Variants in TBC1D9B observed in about 807,000 individuals in gnomAD.
TBC1D9B encodes the protein TBC1 domain family member 9B, also known as TBC1 domain family, member 9B (with GRAM domain).
A neutral mutation model predicts 121.1 loss-of-function variants in TBC1D9B; 87 were observed. The observed-to-expected ratio is 0.72, with a 90% CI of 0.60 to 0.86. TBC1D9B has a LOEUF of 0.86. Among genes scored for constraint, TBC1D9B ranks in the 40% least tolerant of loss-of-function variants. TBC1D9B has a pLI of 0.00. For synonymous variants in TBC1D9B, 668 were observed against 670.1 expected, an observed-to-expected ratio of 1.00 and a Z score of 0.05; for missense variants, 1,540 against 1,628.6, an observed-to-expected ratio of 0.95 and a Z score of 0.94.
chr5:179,871,167 T>C (rs1207080298), intron 15 of TBC1D9B, among the ~76,000 whole-genome samples: 1 of 152,186 alleles, frequency 6.6e-6, no homozygotes, highest in Non-Finnish European at 1.5e-5. Context: ...AAGCTGTGCA[T>C]TGCTAGACTT....
intron 9 of TBC1D9B, 95 bp from the exon 10 acceptor site, chr5:179,878,618 G>A (rs1034012892): frequency 5.7e-6 from 7 of 1,221,254 alleles, no homozygotes; most frequent in South Asian, 1.5e-5. Flanking sequence ...CCCCACAGAG[G>A]AGAGGTGGGA....
Position 179,888,304 on chromosome 5 carries a change from A to G in TBC1D9B, c.1053T>C (p.Ile351=), listed in dbSNP as rs765551460. The part of the protein sequence containing the change: ...HLIIPLREVT[I]VEKADSSSVL... ...CGCTGGAGCTGTCAGCTTTTTCGAC[A>G]ATGGTCACCTGAGAAGGTGAAAGAA... The change falls in exon 7 of 21, where the codon ATT becomes ATC. Residue 351 remains isoleucine, a synonymous_variant. Transcript: ENST00000355235. 1 of 1,610,820 alleles carries G rather than the reference A, an allele frequency of 6.2e-7. No homozygotes were observed. Among genetic ancestry groups the G allele is most frequent in the Non-Finnish European group, 8.5e-7 (1 of 1,179,182 alleles).
chr5:179,882,410 C>T (rs557070951), intron 7 of TBC1D9B, among the ~76,000 whole-genome samples: 1 of 152,330 alleles, frequency 6.6e-6, no homozygotes, highest in South Asian at 2.1e-4. Context: ...TTCCATCACT[C>T]CTTGGTTATC....
intron 17 of TBC1D9B, 107 bp from the exon 18 acceptor site, chr5:179,867,956 C>A: frequency 1.9e-6 from 2 of 1,076,214 alleles, no homozygotes; most frequent in Non-Finnish European, 2.5e-6. Flanking sequence ...TGCCCACGAG[C>A]CTGGCCAGTC....
chr5:179,876,693 G>A (rs1321933564), intron 10 of TBC1D9B, among the ~76,000 whole-genome samples: 1 of 152,202 alleles, frequency 6.6e-6, no homozygotes, highest in Non-Finnish European at 1.5e-5. Flanking sequence ...ATGAGGATGT[G>A]GAGAAATCGG....
At chr5:179,889,173 G>T (rs544310726) in intron 6 of TBC1D9B, among the ~76,000 whole-genome samples, 1 of 152,210 alleles carries the variant, frequency 6.6e-6, no homozygotes, top group South Asian at 2.1e-4. Context: ...GGGACCACAG[G>T]TGCCCACCAC....
rs1488704937 is a variant in TBC1D9B, at chr5:179,878,347, C to T, written c.1744G>A (p.Ala582Thr). The change falls in exon 10 of 21, where the codon GCC (alanine) becomes ACC (threonine). Residue 582 changes from alanine (A) to threonine (T), a missense_variant. Ala to Thr is a moderately conservative substitution (Grantham distance 58, BLOSUM62 0). Coordinates refer to ENST00000355235, the MANE Select transcript of TBC1D9B (RefSeq NM_015043.4). ...ATGGTGGGGTTTCGGAAGGCATAGG[C>T]AGTCAGCACCCGCCGGAGGGCAGCA... The part of the protein sequence containing the change: ...GIAALRRVLT[A>T]YAFRNPTIGY... 4.3e-6 allele frequency: 7 copies of T among 1,613,828 alleles called. No individual in the cohort carries two copies. The highest frequency in any genetic ancestry group is 1.1e-5 in the South Asian group (1 of 91,008).
rs1239231276 is a variant in TBC1D9B at position 179,904,270 on chromosome 5, G to T, written c.229+432C>A. Among the ~76,000 whole-genome samples, 7 of 141,398 alleles carry T rather than the reference G, an allele frequency of 5.0e-5. No individual in the cohort carries two copies. The highest frequency in any genetic ancestry group is 1.6e-4 in the African/African-American group (6 of 36,762). The allele number at this position is 141,398 out of a possible 152,430, so 92.8% of individuals were successfully genotyped here. On this transcript the variant is annotated intron_variant, in intron 2 of 20. Transcript: ENST00000355235. The surrounding 1 kb of genome is among the most constrained non-coding windows in gnomAD (Gnocchi z 4.2). ...GACGGAATCTCGCTGTGTCGCCCAG[G>T]CTGGAGTGCAGTGGCGCGATCTCGG...
rs768868366 is a variant in TBC1D9B at position 179,865,806 on chromosome 5, C to T, written c.2914+32G>A. ...AGCAAGGGTGCCTCAACGCTGGGGT[C>T]TCTAAGAACAGCGGCAGAGAATGGC... On this transcript the variant is annotated intron_variant, in intron 19 of 20. Coordinates refer to ENST00000355235, the MANE Select transcript of TBC1D9B (RefSeq NM_015043.4). This position sits in a 1 kb window ranked among gnomAD's most constrained non-coding sequence, Gnocchi z 5.1. 5.1e-6 allele frequency: 8 copies of T among 1,571,318 alleles called. No homozygotes were observed. The highest frequency in any genetic ancestry group is 6.9e-6 in the Non-Finnish European group (8 of 1,158,296).
chr5:179,863,915 C>G lies in TBC1D9B; in HGVS notation c.3235G>C (p.Ala1079Pro), dbSNP rs1419598787. Residue 1079 changes from alanine to proline, a missense_variant, in exon 21 of 21, where the codon GCC (alanine) becomes CCC (proline). Transcript: ENST00000355235. This position sits in a 1 kb window ranked among gnomAD's most constrained non-coding sequence, Gnocchi z 4.5. Reference protein sequence around the residue: ...PPAPELHQDAARELQPPAAGD... With the variant: ...PPAPELHQDAPRELQPPAAGD... ...GCAGCTGGGGGCTGAAGCTCCCTGG[C>G]TGCGTCCTGATGCAGTTCGGGTGCT... 1.9e-6 allele frequency: 3 copies of G among 1,613,804 alleles called. No individual in the cohort carries two copies. Among genetic ancestry groups the G allele is most frequent in the South Asian group, 2.2e-5 (2 of 91,072 alleles).
intron 3 of TBC1D9B, among the ~76,000 whole-genome samples, chr5:179,898,315 C>T (rs557790414): frequency 1.5e-4 from 23 of 152,168 alleles, no homozygotes; most frequent in Admixed American, 5.2e-4. Flanking sequence ...CCACGCCCGG[C>T]TAATTTTTTT....
intron 7 of TBC1D9B, among the ~76,000 whole-genome samples, chr5:179,886,900 G>A (rs908973391): frequency 6.6e-6 from 1 of 152,236 alleles, no homozygotes; most frequent in African/African-American, 2.4e-5. Context: ...GGGACTCTCA[G>A]GGCTAGACCA....
At chr5:179,892,288 G>A (rs1760889160) in intron 5 of TBC1D9B, among the ~76,000 whole-genome samples, 1 of 152,256 alleles carries the variant, frequency 6.6e-6, no homozygotes, top group Non-Finnish European at 1.5e-5. Context: ...GGTCCAACAA[G>A]CCAACCTGTC....
chr5:179,868,070 C>CT (rs1168554353), intron 17 of TBC1D9B: 8 of 400,272 alleles, frequency 2.0e-5, no homozygotes, highest in Non-Finnish European at 3.6e-5. Flanking sequence ...TGGACTCTCA[C>CT]TTTATCACCC....
chr5:179,873,053 C>G, intron 13 of TBC1D9B, 63 bp from the exon 14 acceptor site: 1 of 1,613,342 alleles, frequency 6.2e-7, no homozygotes, highest in East Asian at 2.2e-5. Flanking sequence ...ACCACCTGCC[C>G]ATAGCCACCC....
intron 17 of TBC1D9B, chr5:179,869,522 T>C: frequency 1.5e-6 from 1 of 659,586 alleles, no homozygotes. Context: ...TCGGTGGGAG[T>C]TCTGTACCCA....
In TBC1D9B at chr5:179,863,199, G is replaced by C; in HGVS notation, c.*249C>G. 1 of 532,826 alleles carries C rather than the reference G, an allele frequency of 1.9e-6. No homozygotes were observed. The allele number at this position is 532,826 out of a possible 1,614,324, so 33.0% of individuals were successfully genotyped here. On this transcript the variant is annotated 3_prime_UTR_variant, in exon 21 of 21. Transcript: ENST00000355235. This position sits in a 1 kb window ranked among gnomAD's most constrained non-coding sequence, Gnocchi z 4.5. ...CTGGTGCGAGGCGGGCTCCCACCAG[G>C]TGTAAGGAAGGTGGGAGCCACAGCC...
At chr5:179,900,513 G>A (rs32458) in intron 2 of TBC1D9B, among the ~76,000 whole-genome samples, 81,197 of 151,912 alleles carry the variant, frequency 0.53, 23,233 homozygotes, top group Non-Finnish European at 0.65. Context: ...GCAGATTCTC[G>A]TTATTCAGGT....
Position 179,898,225 on chromosome 5 carries a change from C to T in TBC1D9B, c.348+964G>A, listed in dbSNP as rs192302251. 3.2e-4 allele frequency among the ~76,000 whole-genome samples: 49 copies of T among 150,774 alleles called. No individual in the cohort carries two copies. The East Asian group carries it at 9.6e-3, about 30-fold the overall frequency. On this transcript the variant is annotated intron_variant, in intron 3 of 20. Coordinates refer to ENST00000355235, the MANE Select transcript of TBC1D9B (RefSeq NM_015043.4). ...GGAGTGCAGTGGCATCATCTTGGCTCACTGCAAACTCTGCTTCCCGGGTTT... is the reference window on the plus strand; with the variant it reads ...GGAGTGCAGTGGCATCATCTTGGCTTACTGCAAACTCTGCTTCCCGGGTTT...
Sources: allele counts gnomAD v4.1 joint callset (sites outside exome capture counted in the v4.1 genomes callset), GRCh38; gene constraint gnomAD v4.1.1; non-coding constraint Gnocchi (gnomAD v3.1); transcripts MANE v1.5; gene names NCBI Gene and HGNC (gene_info 2026-07-23, HGNC 2026-07-21).